SIPA1L3: variants seen among roughly 807,000 people sequenced by gnomAD.
SIPA1L3 encodes the protein signal-induced proliferation-associated 1-like protein 3.
SIPA1L3 carries 59 observed loss-of-function variants against 150.1 expected under a neutral mutation model. The observed-to-expected ratio is 0.39, with a 90% CI of 0.32 to 0.49. The LOEUF (loss-of-function observed/expected upper bound fraction) is 0.49. SIPA1L3 is among the 20% of genes least tolerant of loss of function. SIPA1L3 has a pLI of 0.86. For missense variants in SIPA1L3, 2,211 were observed against 2,489.5 expected (o/e 0.89, Z 2.38); for synonymous variants, 1,070 against 1,077.6 (o/e 0.99, Z 0.14).
At chr19:38,057,645 A>G (rs1969350417) in intron 2 of SIPA1L3, among the ~76,000 whole-genome samples, 1 of 147,356 alleles carries the variant, frequency 6.8e-6, no homozygotes, top group African/African-American at 2.6e-5. Flanking sequence ...AGAGGGTGAG[A>G]ACTTTTTTTT....
chr19:38,028,011 A>G (rs1035487890), intron 1 of SIPA1L3, among the ~76,000 whole-genome samples: 5 of 152,090 alleles, frequency 3.3e-5, no homozygotes. Context: ...GATTGTTATT[A>G]GTGAATGGCC....
chr19:37,983,907 A>G (rs1286976862), intron 1 of SIPA1L3, among the ~76,000 whole-genome samples: 2 of 81,464 alleles, frequency 2.5e-5, no homozygotes, highest in Admixed American at 1.2e-4. Flanking sequence ...CCCCATCTCA[A>G]AAAAAAAAAA....
chr19:38,130,775 A>G lies in SIPA1L3; in HGVS notation c.3143+3A>G. On this transcript the variant is annotated splice_donor_region_variant and intron_variant, in intron 10 of 21. Transcript: ENST00000222345. ...TTTGAGGACGGCACTCCCCGGAGGT[A>G]AGGGCCTCCACCTTTCAGCCAGGTG... 6.3e-7 allele frequency: 1 copy of G among 1,595,514 alleles called. No homozygotes were observed. The highest frequency in any genetic ancestry group is 1.1e-5 in the South Asian group (1 of 88,948).
chr19:38,006,566 C>A (rs780547571), intron 1 of SIPA1L3, among the ~76,000 whole-genome samples: 1 of 152,122 alleles, frequency 6.6e-6, no homozygotes, highest in Non-Finnish European at 1.5e-5. Context: ...TGACTCTGGG[C>A]GTAATAAGAG....
At position 38,201,862 on chromosome 19, in the gene SIPA1L3, T is replaced by G. The variant is rs1973094260; in HGVS notation, c.4985T>G (p.Val1662Gly). ...TCTCCTCCTCCTCCCTCCCTGGCAG[T>G]GCAAAGAGCCGTCTCACTCTTCTCT... ...SLVNAAKAYE[V>G]QRAVSLFSLN... Residue 1662 changes from valine to glycine, a missense_variant and splice_region_variant, in exon 20 of 22, where the codon GTG becomes GGG. Physicochemically the swap from Val to Gly is moderately radical, Grantham distance 109. This residue lies in a region of SIPA1L3 where 806 missense variants were observed against 870.1 expected (regional missense o/e 0.93). Coordinates refer to ENST00000222345, the MANE Select transcript of SIPA1L3 (RefSeq NM_015073.3). 1 of 1,607,506 alleles carries G rather than the reference T, an allele frequency of 6.2e-7. No homozygotes were observed. Among genetic ancestry groups the G allele is most frequent in the Admixed American group, 1.7e-5 (1 of 58,792 alleles).
At chr19:38,140,397 CTTTT>C (rs200086221) in intron 10 of SIPA1L3, among the ~76,000 whole-genome samples, 28 of 146,938 alleles carry the variant, frequency 1.9e-4, no homozygotes, top group Admixed American at 3.4e-4. Flanking sequence ...GATTTCATGG[CTTTT>C]TTTTTTTTTT....
Position 38,101,045 on chromosome 19 carries a change from T to A in SIPA1L3, c.1855-7T>A, listed in dbSNP as rs982636867. 1.9e-6 allele frequency: 3 copies of A among 1,538,874 alleles called. No homozygotes were observed. Among genetic ancestry groups the A allele is most frequent in the Non-Finnish European group, 2.6e-6 (3 of 1,141,226 alleles). ...CTGCCTCCACAAAGCCACTCTTGCC[T>A]CTGCAGCTCTGCCGGAAGCACAAGG... is the stretch of plus-strand genomic sequence containing the variant. On this transcript the variant is annotated splice_region_variant and splice_polypyrimidine_tract_variant and intron_variant, in intron 5 of 21. Coordinates refer to ENST00000222345, the MANE Select transcript of SIPA1L3 (RefSeq NM_015073.3).
intron 1 of SIPA1L3, among the ~76,000 whole-genome samples, chr19:37,951,790 G>T (rs1241077439): frequency 6.6e-6 from 1 of 150,944 alleles, no homozygotes; most frequent in Non-Finnish European, 1.5e-5. Flanking sequence ...CCAGCTACTC[G>T]GGAGGCTGAG....
chr19:38,192,985 G>C (rs1251358501), intron 17 of SIPA1L3, among the ~76,000 whole-genome samples: 1 of 152,088 alleles, frequency 6.6e-6, no homozygotes, highest in Non-Finnish European at 1.5e-5. Context: ...GCCTTACCCG[G>C]AGCTGGAGGG....
chr19:38,143,546 T>C (rs1276307546), intron 12 of SIPA1L3, among the ~76,000 whole-genome samples: 1 of 139,552 alleles, frequency 7.2e-6, no homozygotes, highest in Non-Finnish European at 1.6e-5. Context: ...CTGTGTCTTT[T>C]TTTTTTTTTT....
At chr19:38,027,507 G>A (rs959446521) in intron 1 of SIPA1L3, among the ~76,000 whole-genome samples, 1 of 152,028 alleles carries the variant, frequency 6.6e-6, no homozygotes, top group African/African-American at 2.4e-5. Flanking sequence ...CGGCCTTTGA[G>A]GTTGGCGGGG....
chr19:37,923,348 C>G (rs1305459070), intron 1 of SIPA1L3, among the ~76,000 whole-genome samples: 3 of 152,232 alleles, frequency 2.0e-5, no homozygotes, highest in Non-Finnish European at 1.5e-5. Flanking sequence ...TCCTCCACAC[C>G]TAGGCGCTAT....
intron 1 of SIPA1L3, among the ~76,000 whole-genome samples, chr19:37,967,274 A>G (rs1207091800): frequency 7.1e-6 from 1 of 141,322 alleles, no homozygotes; most frequent in Non-Finnish European, 1.5e-5. Flanking sequence ...TTTTTTTGAG[A>G]TGGAGTCTTG....
chr19:37,974,066 A>G (rs1967014861), intron 1 of SIPA1L3, among the ~76,000 whole-genome samples: 2 of 152,184 alleles, frequency 1.3e-5, no homozygotes, highest in South Asian at 2.1e-4. Flanking sequence ...GTAAAGGCTG[A>G]AGGGTCATGA....
intron 1 of SIPA1L3, among the ~76,000 whole-genome samples, chr19:37,949,740 A>G (rs548881358): frequency 1.3e-5 from 2 of 152,014 alleles, no homozygotes; most frequent in Admixed American, 6.5e-5. Flanking sequence ...CCTAGGGTAC[A>G]TTTCCCTTTT....
chr19:38,053,252 G>A (rs1023427278), intron 2 of SIPA1L3, among the ~76,000 whole-genome samples: 4 of 152,222 alleles, frequency 2.6e-5, no homozygotes, highest in African/African-American at 7.2e-5. Context: ...AGAAAGCCTC[G>A]GTCAGAAGCG....
rs34744094 is a variant in SIPA1L3 at position 37,972,168 on chromosome 19, A to AGTGTGTGTGTGT, written c.-378-56894_-378-56883dup. Among the ~76,000 whole-genome samples the AGTGTGTGTGTGT allele has an allele frequency of 7.4e-3, 1,078 of 145,032 alleles. 20 individuals carry two copies. Among genetic ancestry groups the AGTGTGTGTGTGT allele is most frequent in the African/African-American group, 0.024 (918 of 39,042 alleles). On this transcript the variant is annotated intron_variant, in intron 1 of 21. Coordinates refer to ENST00000222345, the MANE Select transcript of SIPA1L3 (RefSeq NM_015073.3). Reference sequence around the variant, plus strand: ...TTTTAGGAATAAGGCAGAGATACCTAGTGTGTGTGTGTGTGTGTGTGTGTG... The same window carrying AGTGTGTGTGTGT: ...TTTTAGGAATAAGGCAGAGATACCTAGTGTGTGTGTGTGTGTGTGTGTGTGTGTGTGTGTGTG...
chr19:38,030,306 G>A (rs9304573), intron 2 of SIPA1L3, among the ~76,000 whole-genome samples: 144,117 of 152,070 alleles, frequency 0.95, 68,383 homozygotes, highest in African/African-American at 0.99. Flanking sequence ...TCACACCTGT[G>A]ATCCCAGCAC....
intron 9 of SIPA1L3, among the ~76,000 whole-genome samples, chr19:38,120,620 G>A (rs1970993871): frequency 6.6e-6 from 1 of 152,250 alleles, no homozygotes; most frequent in Non-Finnish European, 1.5e-5. Flanking sequence ...TACATGGCAG[G>A]AATGAGTTCC....
Sources: allele counts gnomAD v4.1 joint callset (sites outside exome capture counted in the v4.1 genomes callset), GRCh38; gene constraint gnomAD v4.1.1; regional missense constraint gnomAD v4.1.1; transcripts MANE v1.5; gene names NCBI Gene and HGNC (gene_info 2026-07-23, HGNC 2026-07-21).